The following TTC27 variants were observed in gnomAD, a reference collection of about 807,000 sequenced individuals.
TTC27 encodes the protein tetratricopeptide repeat domain 27.
Under a neutral mutation model 115.9 loss-of-function variants are expected in TTC27, and 79 were observed. The observed-to-expected ratio is 0.68, with a 90% CI of 0.57 to 0.82. TTC27 has a LOEUF of 0.82. TTC27 is among the 40% of genes least tolerant of loss of function. The pLI, the probability that TTC27 is intolerant of heterozygous loss-of-function variation, is 0.00. For synonymous variants in TTC27, 401 were observed against 356.0 expected, an observed-to-expected ratio of 1.13 and a Z score of -1.42; for missense variants, 1,054 against 993.1, an observed-to-expected ratio of 1.06 and a Z score of -0.82.
intron 9 of TTC27, among the ~76,000 whole-genome samples, chr2:32,684,405 C>T (rs1666559181): frequency 6.6e-6 from 1 of 150,696 alleles, no homozygotes; most frequent in African/African-American, 2.4e-5. Context: ...GTGTCTAAAA[C>T]TTAAAGTATA....
chr2:32,717,639 C>T (rs1360179864), intron 10 of TTC27, among the ~76,000 whole-genome samples: 2 of 151,982 alleles, frequency 1.3e-5, no homozygotes, highest in African/African-American at 4.8e-5. Flanking sequence ...ATTTTTCCAT[C>T]ATAATTCAGT....
At chr2:32,732,387 G>A (rs1288567724) in intron 10 of TTC27, among the ~76,000 whole-genome samples, 2 of 152,212 alleles carry the variant, frequency 1.3e-5, no homozygotes, top group Non-Finnish European at 2.9e-5. Flanking sequence ...GTTGTGTAAT[G>A]TGTGTTTTCT....
chr2:32,682,002 G>A (rs913337615), intron 9 of TTC27, among the ~76,000 whole-genome samples: 2 of 149,120 alleles, frequency 1.3e-5, no homozygotes, highest in Non-Finnish European at 3.0e-5. Flanking sequence ...GTGTGTGTGT[G>A]TGTGTGTGTG....
At chr2:32,803,407 G>A (rs948369910) in intron 16 of TTC27, among the ~76,000 whole-genome samples, 1 of 152,200 alleles carries the variant, frequency 6.6e-6, no homozygotes, top group African/African-American at 2.4e-5. Flanking sequence ...AAATGTCATG[G>A]ATAGTAGGAT....
rs758889067 is a variant in TTC27 at position 32,812,530 on chromosome 2, C to G, written c.2223C>G (p.Tyr741Ter). 1.2e-6 allele frequency: 2 copies of G among 1,613,966 alleles called. No individual in the cohort carries two copies. The highest frequency in any genetic ancestry group is 1.7e-6 in the Non-Finnish European group (2 of 1,179,882). ...CATTCCAGTGCCTCTCAAAGGCATACAAGTGTGACACCCAGTCCAATTGTT... is the reference window on the plus strand; with the variant it reads ...CATTCCAGTGCCTCTCAAAGGCATAGAAGTGTGACACCCAGTCCAATTGTT... ...EKAFQCLSKA[Y>*]KCDTQSNCWE... Residue 741 changes from tyrosine to a stop codon, truncating the protein, a stop_gained, in exon 18 of 20, where the codon TAC becomes TAG. Coordinates refer to ENST00000317907, the MANE Select transcript of TTC27 (RefSeq NM_017735.5). LOFTEE classifies it high-confidence loss of function.
chr2:32,777,974 A>G lies in TTC27; in HGVS notation c.1773A>G (p.Glu591=). The stretch of plus-strand genomic sequence containing the variant: ...CATTTCAGCGCTGTGTGACTCTAGA[A>G]CCCGATGTAAGTTTGTTTGATCTTC... The part of the protein sequence containing the change: ...AKAFQRCVTL[E]PDNAEAWNNL... Residue 591 remains glutamate (E), a synonymous_variant, in exon 14 of 20, where the codon GAA becomes GAG. Transcript: ENST00000317907. 4.3e-6 allele frequency: 7 copies of G among 1,612,792 alleles called. No individual in the cohort carries two copies. Among genetic ancestry groups the G allele is most frequent in the Middle Eastern group, 1.6e-4 (1 of 6,062 alleles).
At chr2:32,704,656 T>G (rs567253209) in intron 10 of TTC27, among the ~76,000 whole-genome samples, 5 of 152,202 alleles carry the variant, frequency 3.3e-5, no homozygotes. Context: ...TTCACTGTCA[T>G]GTCCTCTCAG....
chr2:32,639,091 C>G (rs943125020), intron 3 of TTC27, among the ~76,000 whole-genome samples: 12 of 152,224 alleles, frequency 7.9e-5, no homozygotes, highest in African/African-American at 2.9e-4. Flanking sequence ...CTTGGCCTCC[C>G]AAAGTGCTGG....
intron 16 of TTC27, among the ~76,000 whole-genome samples, chr2:32,800,640 G>A (rs993669901): frequency 1.3e-5 from 2 of 151,960 alleles, no homozygotes; most frequent in Non-Finnish European, 2.9e-5. Flanking sequence ...CAGGATTACA[G>A]GCATGCGCCA....
At chr2:32,667,415 T>C (rs1665822976) in intron 7 of TTC27, among the ~76,000 whole-genome samples, 2 of 111,654 alleles carry the variant, frequency 1.8e-5, no homozygotes, top group South Asian at 3.1e-4. Flanking sequence ...CCCCAACTAC[T>C]TTTTTTTTTT....
intron 6 of TTC27, 120 bp from the exon 7 acceptor site, chr2:32,666,515 C>T: frequency 1.9e-6 from 2 of 1,077,798 alleles, no homozygotes; most frequent in Non-Finnish European, 2.5e-6. Context: ...TCAGGACTTT[C>T]TTATGTGAAA....
intron 4 of TTC27, among the ~76,000 whole-genome samples, chr2:32,641,180 A>G (rs778850436): frequency 2.0e-4 from 31 of 152,186 alleles, no homozygotes; most frequent in Non-Finnish European, 3.8e-4. Context: ...AATATCTATT[A>G]TATGGTTTCT....
intron 15 of TTC27, among the ~76,000 whole-genome samples, chr2:32,782,954 T>C (rs1670231468): frequency 6.6e-6 from 1 of 152,230 alleles, no homozygotes; most frequent in African/African-American, 2.4e-5. Flanking sequence ...TACATTTTAT[T>C]ACATGATAAA....
At chr2:32,799,409 A>G (rs1670844934) in intron 16 of TTC27, among the ~76,000 whole-genome samples, 1 of 152,202 alleles carries the variant, frequency 6.6e-6, no homozygotes, top group Non-Finnish European at 1.5e-5. Context: ...TTTTACTAAA[A>G]TGAGAAAGAG....
chr2:32,690,240 G>A (rs1666765952), intron 9 of TTC27, among the ~76,000 whole-genome samples: 1 of 152,168 alleles, frequency 6.6e-6, no homozygotes, highest in African/African-American at 2.4e-5. Context: ...GATCACTGGT[G>A]TCTTTGCTGC....
intron 10 of TTC27, among the ~76,000 whole-genome samples, chr2:32,723,347 T>TA (rs1319441491): frequency 2.0e-5 from 3 of 152,130 alleles, no homozygotes; most frequent in African/African-American, 7.2e-5. Flanking sequence ...GTGGTTAAAA[T>TA]ATAGATCTTC....
chr2:32,750,625 C>T (rs1335938316), intron 12 of TTC27, among the ~76,000 whole-genome samples: 1 of 152,138 alleles, frequency 6.6e-6, no homozygotes, highest in Non-Finnish European at 1.5e-5. Context: ...CAGATTATTC[C>T]ATAGATTGTG....
At chr2:32,767,606 C>T (rs1014964249) in intron 13 of TTC27, among the ~76,000 whole-genome samples, 13 of 151,422 alleles carry the variant, frequency 8.6e-5, no homozygotes, top group East Asian at 3.9e-4. Flanking sequence ...GGACTACAGG[C>T]GCCCGCCACC....
At chr2:32,666,141 T>G (rs1436758587) in intron 6 of TTC27, among the ~76,000 whole-genome samples, 1 of 152,134 alleles carries the variant, frequency 6.6e-6, no homozygotes, top group Non-Finnish European at 1.5e-5. Flanking sequence ...AGTAAGTTAT[T>G]TCAGAGACAT....
Sources: allele counts gnomAD v4.1 joint callset (sites outside exome capture counted in the v4.1 genomes callset), GRCh38; gene constraint gnomAD v4.1.1; transcripts MANE v1.5; gene names NCBI Gene and HGNC (gene_info 2026-07-23, HGNC 2026-07-21).